Variants in CCDC187 observed in about 807,000 individuals in gnomAD.
CCDC187 encodes coiled-coil domain containing 187.
A neutral mutation model predicts 38.0 loss-of-function variants in CCDC187; 32 were observed. That is an observed-to-expected ratio of 0.84 (90% CI 0.64 to 1.13). The LOEUF (loss-of-function observed/expected upper bound fraction) is 1.13. Among genes scored for constraint, CCDC187 ranks in the 50% most tolerant of loss-of-function variants. The pLI is 0.00. For synonymous variants in CCDC187, 333 were observed against 347.9 expected, an observed-to-expected ratio of 0.96 and a Z score of 0.48; for missense variants, 707 against 786.8, an observed-to-expected ratio of 0.90 and a Z score of 1.21.
chr9:136,290,738 C>G lies in CCDC187; in HGVS notation c.1875G>C (p.Arg625Ser). ...GCGAGGGTCCCAGGAGCCCCCGGGA[C>G]CTGGGGCAGGGCCGCAGCGTGTCCT... ...KEKDTLRPCP[R>S]SRGLLGPSHS... The change falls in exon 6 of 26, where the codon AGG becomes AGC. Residue 625 changes from arginine (R) to serine (S), a missense_variant. By Grantham distance (110) the Arg-to-Ser change is moderately radical. Coordinates refer to ENST00000638797, the MANE Select transcript of CCDC187 (RefSeq NM_001378188.1). The G allele has an allele frequency of 2.5e-6, 1 of 398,484 alleles. No homozygotes were observed. Among genetic ancestry groups the G allele is most frequent in the East Asian group, 3.6e-5 (1 of 28,060 alleles). 24.7% of individuals were successfully genotyped at this position (398,484 alleles called of 1,614,324 possible).
At chr9:136,270,059 AAG>A (rs1830813757) in intron 14 of CCDC187, among the ~76,000 whole-genome samples, 2 of 152,254 alleles carry the variant, frequency 1.3e-5, no homozygotes, top group Non-Finnish European at 2.9e-5. Context: ...GAGAAGAAAA[AAG>A]AATAAAAGAA....
At position 136,266,028 on chromosome 9, in the gene CCDC187, C is replaced by T; in HGVS notation, c.3663G>A (p.Lys1221=). ...GCGCGGCCAGCACAGCTCTGTCCCT[C>T]TTGCTGTCCAGGCACCTGGGGGGAG... ...LEHRRGCLDS[K]RDRAVLAALV... is the part of the protein sequence containing the mutation. The change falls in exon 17 of 26, where the codon AAG becomes AAA. Residue 1221 remains lysine, a synonymous_variant. Transcript: ENST00000638797. 1.0e-6 allele frequency: 1 copy of T among 985,588 alleles called. No homozygotes were observed. The highest frequency in any genetic ancestry group is 4.7e-5 in the South Asian group (1 of 21,296). The allele number at this position is 985,588 out of a possible 1,614,324, so 61.1% of individuals were successfully genotyped here.
At chr9:136,298,986 C>A (rs945973789) in intron 3 of CCDC187, among the ~76,000 whole-genome samples, 76 of 152,252 alleles carry the variant, frequency 5.0e-4, no homozygotes, top group African/African-American at 1.8e-3. Context: ...ACGAGGCTGC[C>A]AGGAGCCGGT....
chr9:136,291,039 C>T lies in CCDC187; in HGVS notation c.1574G>A (p.Ser525Asn), dbSNP rs909266859. ...QRPGSPPEKRSPFPQQPWSAV... is the reference protein window; with the variant it reads ...QRPGSPPEKRNPFPQQPWSAV... ...ACTCCAGGGCTGCTGGGGGAAGGGG[C>T]TCCGCTTTTCAGGGGGGCTCCCAGG... The change falls in exon 6 of 26, where the codon AGC (serine) becomes AAC (asparagine). Residue 525 changes from serine (S) to asparagine (N), a missense_variant. Transcript: ENST00000638797. The T allele has an allele frequency of 1.2e-3, 486 of 398,754 alleles. 1 individual carries two copies. Among genetic ancestry groups the T allele is most frequent in the African/African-American group, 8.9e-3 (432 of 48,752 alleles). The allele number at this position is 398,754 out of a possible 1,614,324, so 24.7% of individuals were successfully genotyped here. A position where few individuals can be genotyped will look rare whatever the true frequency, so the allele number is the denominator to read the frequency against.
At chr9:136,269,549 G>A (rs1830805402) in intron 14 of CCDC187, among the ~76,000 whole-genome samples, 1 of 152,208 alleles carries the variant, frequency 6.6e-6, no homozygotes, top group African/African-American at 2.4e-5. Context: ...TCGGGAGGCT[G>A]AGGCAGGGGA....
At chr9:136,270,456 C>T (rs1457594032) in intron 14 of CCDC187, among the ~76,000 whole-genome samples, 3 of 152,318 alleles carry the variant, frequency 2.0e-5, no homozygotes, top group South Asian at 2.1e-4. Context: ...CATACATCAG[C>T]GTTTTCTTCT....
intron 4 of CCDC187, among the ~76,000 whole-genome samples, chr9:136,292,630 G>A (rs1237860595): frequency 6.6e-6 from 1 of 152,210 alleles, no homozygotes; most frequent in Non-Finnish European, 1.5e-5. Context: ...GCACAGGCCG[G>A]GCACGCAGCA....
chr9:136,271,700 T>A (rs1329187290), intron 14 of CCDC187, among the ~76,000 whole-genome samples: 1 of 145,362 alleles, frequency 6.9e-6, no homozygotes. Flanking sequence ...CTCCGCCTCC[T>A]GGGTTCACGC....
chr9:136,264,990 G>A lies in CCDC187; in HGVS notation c.3735+966C>T, dbSNP rs114870108. On this transcript the variant is annotated intron_variant, in intron 17 of 25. Coordinates refer to ENST00000638797, the MANE Select transcript of CCDC187 (RefSeq NM_001378188.1). This position sits in a 1 kb window ranked among gnomAD's most constrained non-coding sequence, Gnocchi z 4.3. The stretch of plus-strand genomic sequence containing the variant: ...CTGTCTCACATTCCTGGGCTCAAGC[G>A]ATCCTCCCACCTTGGCCTCCCAAAG... Among the ~76,000 whole-genome samples the A allele has an allele frequency of 8.2e-3, 1,247 of 152,280 alleles. 17 individuals are homozygous for A. Among genetic ancestry groups the A allele is most frequent in the African/African-American group, 0.028 (1,168 of 41,550 alleles).
At chr9:136,261,188 C>T (rs1338085339) in intron 19 of CCDC187, among the ~76,000 whole-genome samples, 2 of 152,210 alleles carry the variant, frequency 1.3e-5, no homozygotes, top group Non-Finnish European at 1.5e-5. Flanking sequence ...ACACCCCGAC[C>T]CCAAGGCGCC....
chr9:136,297,740 G>A lies in CCDC187; in HGVS notation c.806C>T (p.Ala269Val), dbSNP rs1046455257. The change falls in exon 4 of 26, where the codon GCG becomes GTG. Residue 269 changes from alanine (A) to valine (V), a missense_variant. Coordinates refer to ENST00000638797, the MANE Select transcript of CCDC187 (RefSeq NM_001378188.1). Reference sequence around the variant, plus strand: ...TTCGTCTTTGTGTTTGTCTTTGGCCGCTCTTCTAGGGGAGGGCAACTTGGG... The same window carrying A: ...TTCGTCTTTGTGTTTGTCTTTGGCCACTCTTCTAGGGGAGGGCAACTTGGG... Reference protein sequence around the residue: ...KTPKLPSPRRAAKDKHKDEDS... With the variant: ...KTPKLPSPRRVAKDKHKDEDS... The A allele has an allele frequency of 4.8e-5, 19 of 398,616 alleles. No homozygotes were observed. Among genetic ancestry groups the A allele is most frequent in the African/African-American group, 1.0e-4 (5 of 48,622 alleles). 24.7% of individuals were successfully genotyped at this position (398,616 alleles called of 1,614,324 possible).
rs1830584683 is a variant in CCDC187, at chr9:136,254,217, C to T, written c.5611G>A (p.Gly1871Ser). 4 of 985,482 alleles carry T rather than the reference C, an allele frequency of 4.1e-6. No individual in the cohort carries two copies. Among genetic ancestry groups the T allele is most frequent in the Non-Finnish European group, 4.8e-6 (4 of 830,000 alleles). 61.0% of individuals were successfully genotyped at this position (985,482 alleles called of 1,614,324 possible). ...EALQAPPEAAGVVFPLQISSA... is the reference protein window; with the variant it reads ...EALQAPPEAASVVFPLQISSA... ...GAGATTTGCAGCGGGAACACCACAC[C>T]GGCGGCCTCAGGGGGTGCCTGGAGG... The change falls in exon 26 of 26, where the codon GGT becomes AGT. Residue 1871 changes from glycine (G) to serine (S), a missense_variant. By Grantham distance (56) the Gly-to-Ser change is moderately conservative. Transcript: ENST00000638797.
intron 2 of CCDC187, among the ~76,000 whole-genome samples, chr9:136,301,298 C>T (rs1219890202): frequency 6.6e-6 from 1 of 151,700 alleles, no homozygotes; most frequent in Admixed American, 6.6e-5. Context: ...GCTACGAAAA[C>T]ATGCACTGCC....
Position 136,302,944 on chromosome 9 carries a change from G to A in CCDC187, c.493C>T (p.Gln165Ter). The A allele has an allele frequency of 2.5e-6, 1 of 398,744 alleles. No individual in the cohort carries two copies. Among genetic ancestry groups the A allele is most frequent in the East Asian group, 3.6e-5 (1 of 28,074 alleles). 24.7% of individuals were successfully genotyped at this position (398,744 alleles called of 1,614,324 possible). Residue 165 changes from glutamine to a stop codon, truncating the protein, a stop_gained, in exon 2 of 26, where the codon CAG (glutamine) becomes TAG (stop). Coordinates refer to ENST00000638797, the MANE Select transcript of CCDC187 (RefSeq NM_001378188.1). LOFTEE classifies it high-confidence loss of function. ...CCCAGGGACGCACAGCTCCCCTGCTGCCACGCCTGGGCCCGGATCTTGTCT... is the reference window on the plus strand; with the variant it reads ...CCCAGGGACGCACAGCTCCCCTGCTACCACGCCTGGGCCCGGATCTTGTCT... ...LRDKIRAQAW[Q>*]QGSCASLGTS...
chr9:136,291,878 C>A (rs1831340315), intron 5 of CCDC187, among the ~76,000 whole-genome samples: 1 of 152,230 alleles, frequency 6.6e-6, no homozygotes, highest in East Asian at 1.9e-4. Flanking sequence ...CGGCTCCCAT[C>A]CTGCCTTCCT....
At position 136,253,459 on chromosome 9, in the gene CCDC187, C is replaced by G; in HGVS notation, c.*135G>C. 1 of 329,250 alleles carries G rather than the reference C, an allele frequency of 3.0e-6. No individual in the cohort carries two copies. The highest frequency in any genetic ancestry group is 4.3e-6 in the Non-Finnish European group (1 of 229,958). 20.4% of individuals were successfully genotyped at this position (329,250 alleles called of 1,614,324 possible). ...CAGGGGCACTGCCTGACCCCTCACACGACGAGTGCCCTGGCCAGCTGACAG... is the reference window on the plus strand; with the variant it reads ...CAGGGGCACTGCCTGACCCCTCACAGGACGAGTGCCCTGGCCAGCTGACAG... On this transcript the variant is annotated 3_prime_UTR_variant, in exon 26 of 26. Transcript: ENST00000638797.
Position 136,293,465 on chromosome 9 carries a change from TCA to T in CCDC187, c.833-1172_833-1171del, listed in dbSNP as rs1186477613. Among the ~76,000 whole-genome samples, 8 of 48,280 alleles carry T rather than the reference TCA, an allele frequency of 1.7e-4. 1 individual carries two copies. Among genetic ancestry groups the T allele is most frequent in the East Asian group, 1.5e-3 (3 of 2,030 alleles). The allele number at this position is 48,280 out of a possible 152,430, so 31.7% of individuals were successfully genotyped here. On this transcript the variant is annotated intron_variant, in intron 4 of 25. Transcript: ENST00000638797. ...CACTCACACATGCTCACACTCACAC[TCA>T]CATGCTCACACACTCACAAACACAT... is the stretch of plus-strand genomic sequence containing the variant.
intron 2 of CCDC187, among the ~76,000 whole-genome samples, chr9:136,302,337 T>C (rs1185218409): frequency 6.6e-6 from 1 of 152,002 alleles, no homozygotes; most frequent in Non-Finnish European, 1.5e-5. Flanking sequence ...CTTCTTTAGT[T>C]ACCCCTCCCA....
rs1476722043 is a variant in CCDC187 at position 136,281,634 on chromosome 9, G to C, written c.2957C>G (p.Pro986Arg). The change falls in exon 10 of 26, where the codon CCT becomes CGT. Residue 986 changes from proline to arginine, a missense_variant. Pro to Arg is a moderately radical substitution (Grantham distance 103). Coordinates refer to ENST00000638797, the MANE Select transcript of CCDC187 (RefSeq NM_001378188.1). ...CTCCAGTCCCAGGGAGCCCCAGATA[G>C]GGTGCAGCGTGGCTGGGCCCGCATA... ...SSYAGPATLH[P>R]IWGSLGLEET... 2.5e-6 allele frequency: 1 copy of C among 398,570 alleles called. No homozygotes were observed. Among genetic ancestry groups the C allele is most frequent in the African/African-American group, 2.1e-5 (1 of 48,648 alleles). The allele number at this position is 398,570 out of a possible 1,614,324, so 24.7% of individuals were successfully genotyped here. A position where few individuals can be genotyped will look rare whatever the true frequency, so the allele number is the denominator to read the frequency against.
Sources: allele counts gnomAD v4.1 joint callset (sites outside exome capture counted in the v4.1 genomes callset), GRCh38; gene constraint gnomAD v4.1.1; non-coding constraint Gnocchi (gnomAD v3.1); transcripts MANE v1.5; gene names NCBI Gene and HGNC (gene_info 2026-07-23, HGNC 2026-07-21).